BPIFC: variants seen among roughly 807,000 people sequenced by gnomAD.
BPIFC encodes the protein BPI fold-containing family C protein.
A neutral mutation model predicts 57.6 loss-of-function variants in BPIFC; 60 were observed. The observed-to-expected ratio is 1.04, with a 90% confidence interval of 0.85 to 1.29. BPIFC has a LOEUF of 1.29. BPIFC is among the 50% of genes most tolerant of loss of function. BPIFC has a pLI of 0.00. For synonymous variants in BPIFC, 243 were observed against 224.5 expected (o/e 1.08, Z -0.74); for missense variants, 581 against 600.5 (o/e 0.97, Z 0.34).
chr22:32,424,329 T>G (rs1159820745), intron 13 of BPIFC, among the ~76,000 whole-genome samples: 13 of 152,174 alleles, frequency 8.5e-5, no homozygotes. Flanking sequence ...TTATTAGAAT[T>G]GCTAGTTTTT....
intron 5 of BPIFC, 134 bp downstream of exon 5, chr22:32,447,078 A>T (rs1284935222): frequency 6.2e-6 from 8 of 1,282,540 alleles, no homozygotes; most frequent in Non-Finnish European, 8.2e-6. Context: ...CACCTGGAAA[A>T]AAATGCTTTT....
chr22:32,414,849 C>G (rs1479688192), intron 16 of BPIFC, among the ~76,000 whole-genome samples: 3 of 152,142 alleles, frequency 2.0e-5, no homozygotes, highest in African/African-American at 7.2e-5. Context: ...CCTCCTCTAC[C>G]CTGGCCCTAC....
intron 7 of BPIFC, among the ~76,000 whole-genome samples, chr22:32,445,405 C>T (rs543146795): frequency 7.2e-5 from 11 of 152,084 alleles, no homozygotes; most frequent in East Asian, 3.9e-4. Flanking sequence ...GGCATGGTGG[C>T]GGGCACCTGT....
At position 32,445,713 on chromosome 22, in the gene BPIFC, G is replaced by GAAAAAAAATAAAA; in HGVS notation, c.531-16_531-15insTTTTATTTTTTTT. ...TATACAGAACACTGAGGAAAAAAATGAAAAAAAAAAAAAAAAAAAAAAGAG... is the reference window on the plus strand; with the variant it reads ...TATACAGAACACTGAGGAAAAAAATGAAAAAAAATAAAAAAAAAAAAAAAAAAAAAAAAAAGAG... On this transcript the variant is annotated splice_polypyrimidine_tract_variant and intron_variant, in intron 6 of 16. Coordinates refer to ENST00000300399, the MANE Select transcript of BPIFC (RefSeq NM_174932.3). 1 of 707,314 alleles carries GAAAAAAAATAAAA rather than the reference G, an allele frequency of 1.4e-6. No individual in the cohort carries two copies. Among genetic ancestry groups the GAAAAAAAATAAAA allele is most frequent in the Non-Finnish European group, 1.9e-6 (1 of 517,030 alleles). The allele number at this position is 707,314 out of a possible 1,614,324, so 43.8% of individuals were successfully genotyped here.
chr22:32,417,499 G>T (rs1364589969), intron 14 of BPIFC, among the ~76,000 whole-genome samples: 1 of 152,194 alleles, frequency 6.6e-6, no homozygotes, highest in Non-Finnish European at 1.5e-5. Flanking sequence ...AAAGTACCAT[G>T]CCTGGTTTGG....
chr22:32,446,928 G>A, intron 5 of BPIFC: 1 of 532,280 alleles, frequency 1.9e-6, no homozygotes, highest in South Asian at 8.2e-5. Flanking sequence ...CGAAAATGTT[G>A]AGCATGCATC....
intron 12 of BPIFC, 144 bp from the exon 13 acceptor site, chr22:32,431,558 C>G (rs1219117774): frequency 3.4e-6 from 2 of 587,378 alleles, no homozygotes; most frequent in Non-Finnish European, 6.0e-6. Flanking sequence ...ATTGGAAATA[C>G]AGACCTCTGA....
At position 32,424,659 on chromosome 22, in the gene BPIFC, CTTCTTCTTCTTCTTCTTCTTCT is replaced by C. The variant is rs1569448001; in HGVS notation, c.1218-5277_1218-5256del. 1.4e-4 allele frequency among the ~76,000 whole-genome samples: 9 copies of C among 65,332 alleles called. 3 individuals are homozygous for C. Among genetic ancestry groups the C allele is most frequent in the African/African-American group, 8.9e-4 (9 of 10,064 alleles). 42.9% of individuals were successfully genotyped at this position (65,332 alleles called of 152,430 possible). Reference sequence around the variant, plus strand: ...TTCTTCTTCTCTTCTTCTTCTTCTTCTTCTTCTTCTTCTTCTTCTTCTTCTTCTTCTTCCTCTTCTTCTTCCT... The same window carrying C: ...TTCTTCTTCTCTTCTTCTTCTTCTTCTCTTCTTCTTCCTCTTCTTCTTCCT... On this transcript the variant is annotated intron_variant, in intron 13 of 16. Coordinates refer to ENST00000300399, the MANE Select transcript of BPIFC (RefSeq NM_174932.3).
chr22:32,450,696 C>CTA (rs1351795190), intron 4 of BPIFC, among the ~76,000 whole-genome samples: 1 of 151,766 alleles, frequency 6.6e-6, no homozygotes, highest in African/African-American at 2.4e-5. Context: ...AGATACTGAC[C>CTA]TATATATGTT....
chr22:32,415,158 T>C (rs1302521789), intron 16 of BPIFC, among the ~76,000 whole-genome samples: 2 of 152,160 alleles, frequency 1.3e-5, no homozygotes, highest in African/African-American at 4.8e-5. Context: ...CAGTTCACAA[T>C]AGGGTTTGTG....
chr22:32,442,339 T>C (rs1056096841), intron 8 of BPIFC, among the ~76,000 whole-genome samples: 9 of 152,258 alleles, frequency 5.9e-5, no homozygotes, highest in African/African-American at 2.2e-4. Flanking sequence ...AACCCCAGAA[T>C]AACCTGGTCA....
intron 9 of BPIFC, among the ~76,000 whole-genome samples, chr22:32,436,910 G>A (rs1367899636): frequency 7.4e-5 from 11 of 149,276 alleles, no homozygotes; most frequent in Non-Finnish European, 1.7e-4. Flanking sequence ...AAAGACTCTG[G>A]TGAGTGAAAT....
chr22:32,419,144 A>G (rs1010078262), intron 14 of BPIFC, among the ~76,000 whole-genome samples: 1 of 152,156 alleles, frequency 6.6e-6, no homozygotes, highest in Non-Finnish European at 1.5e-5. Flanking sequence ...TTAAAAAAGT[A>G]TTTCTGCATA....
intron 15 of BPIFC, 83 bp from the exon 16 acceptor site, chr22:32,416,074 G>T: frequency 7.2e-6 from 5 of 693,958 alleles, no homozygotes; most frequent in Non-Finnish European, 1.1e-5. Flanking sequence ...CTGACTGACA[G>T]CTTGCTTTTT....
chr22:32,464,267 C>A (rs903234793), intron 1 of BPIFC, 107 bp downstream of exon 1: 11 of 370,866 alleles, frequency 3.0e-5, no homozygotes, highest in Non-Finnish European at 3.0e-5. Context: ...TAATAATAAC[C>A]CAGGATATAT....
chr22:32,414,698 G>C (rs1408638501), intron 16 of BPIFC, among the ~76,000 whole-genome samples: 1 of 152,030 alleles, frequency 6.6e-6, no homozygotes, highest in East Asian at 1.9e-4. Flanking sequence ...ATTTTTAGTA[G>C]AGACAGGGTT....
intron 3 of BPIFC, among the ~76,000 whole-genome samples, chr22:32,456,041 T>C (rs1261571169): frequency 1.3e-5 from 2 of 152,232 alleles, no homozygotes; most frequent in African/African-American, 4.8e-5. Context: ...CCCAAGGCCA[T>C]GTATCAAGGA....
intron 15 of BPIFC, 91 bp from the exon 16 acceptor site, chr22:32,416,082 T>TC (rs1933666639): frequency 1.7e-6 from 1 of 577,316 alleles, no homozygotes; most frequent in African/African-American, 2.1e-5. Flanking sequence ...CAGCTTGCTT[T>TC]TTTTTTTTTT....
At chr22:32,459,986 A>G (rs1250430794) in intron 2 of BPIFC, among the ~76,000 whole-genome samples, 2 of 152,192 alleles carry the variant, frequency 1.3e-5, no homozygotes, top group Non-Finnish European at 2.9e-5. Context: ...GTGAAGGAAA[A>G]GAGGTCACTG....
Sources: gnomAD v4.1 joint callset for allele counts (sites outside exome capture counted in the v4.1 genomes callset) on GRCh38, gnomAD v4.1.1 for gene constraint, MANE v1.5 for transcripts, NCBI Gene and HGNC (gene_info 2026-07-23, HGNC 2026-07-21) for gene names.